SACS: variants seen among roughly 807,000 people sequenced by gnomAD.
SACS encodes the protein sacsin molecular chaperone, also known as sacsin.
Under a neutral mutation model 348.0 loss-of-function variants are expected in SACS, and 197 were observed. The observed-to-expected ratio is 0.57, with a 90% CI of 0.50 to 0.64. The LOEUF (loss-of-function observed/expected upper bound fraction) is 0.64. SACS is among the 30% of genes least tolerant of loss of function. SACS has a pLI of 0.00. For synonymous variants in SACS, 1,985 were observed against 1,910.6 expected (o/e 1.04, Z -1.02); for missense variants, 4,999 against 5,360.8 (o/e 0.93, Z 2.11).
intron 1 of SACS, among the ~76,000 whole-genome samples, chr13:23,412,255 C>T (rs1873519268): frequency 6.6e-6 from 1 of 151,928 alleles, no homozygotes; most frequent in Admixed American, 6.6e-5. Context: ...GAGCCAGATT[C>T]TGTCTCAAAA....
chr13:23,405,035 T>A (rs1005259976), intron 2 of SACS, among the ~76,000 whole-genome samples: 10 of 152,226 alleles, frequency 6.6e-5, no homozygotes, highest in African/African-American at 2.4e-4. Flanking sequence ...CCATTGATTT[T>A]CTTCAAATAA....
Position 23,355,723 on chromosome 13 carries a change from CA to C in SACS, c.888del (p.Phe296LeufsTer15). ...GTGTCTGCATCTGCCCTAAAAGACT[CA>C]AACAACTCAAGAACCTTCTGCTTAT... is the stretch of plus-strand genomic sequence containing the variant. ...LYNKQKVLEL[F>X]ESFRADADTV... On this transcript the variant is annotated frameshift_variant, in exon 8 of 10. Coordinates refer to ENST00000382292, the MANE Select transcript of SACS (RefSeq NM_014363.6). LOFTEE classifies it high-confidence loss of function. 1 of 1,614,176 alleles carries C rather than the reference CA, an allele frequency of 6.2e-7. No individual in the cohort carries two copies. Among genetic ancestry groups the C allele is most frequent in the Non-Finnish European group, 8.5e-7 (1 of 1,180,032 alleles).
chr13:23,360,529 C>T (rs1266957831), intron 6 of SACS, among the ~76,000 whole-genome samples: 2 of 152,060 alleles, frequency 1.3e-5, no homozygotes, highest in African/African-American at 2.4e-5. Flanking sequence ...AGGGGATACA[C>T]GCACATGACA....
intron 1 of SACS, among the ~76,000 whole-genome samples, chr13:23,416,583 C>T (rs1488254220): frequency 6.6e-6 from 1 of 151,808 alleles, no homozygotes. Flanking sequence ...CTTGGTGAAA[C>T]CCCGTCTCTA....
intron 7 of SACS, 102 bp downstream of exon 7, chr13:23,358,233 G>A: frequency 8.0e-7 from 1 of 1,252,332 alleles, no homozygotes; most frequent in Non-Finnish European, 1.2e-6. Context: ...ATTTGGGTAA[G>A]ATGGCTTTTA....
chr13:23,378,776 T>G (rs1397598919), intron 2 of SACS, among the ~76,000 whole-genome samples: 1 of 151,988 alleles, frequency 6.6e-6, no homozygotes, highest in African/African-American at 2.4e-5. Context: ...GGAAAGAGAG[T>G]GAGCTGGCTA....
At chr13:23,343,936 G>A (rs1869440190) in intron 9 of SACS, among the ~76,000 whole-genome samples, 1 of 152,114 alleles carries the variant, frequency 6.6e-6, no homozygotes, top group Admixed American at 6.5e-5. Flanking sequence ...CTTTAGGAAG[G>A]TGTCAATACC....
rs1872125913 is a variant in SACS at position 23,382,936 on chromosome 13, T to G, written c.21-7667A>C. Among the ~76,000 whole-genome samples, 4 of 148,432 alleles carry G rather than the reference T, an allele frequency of 2.7e-5. No individual in the cohort carries two copies. The Admixed American group carries it at 2.7e-4, about 10-fold the overall frequency. ...AGCTGGGACTATAGGACTACAGGCA[T>G]GTACCACCATGCCCAGCTAATTTTT... On this transcript the variant is annotated intron_variant, in intron 2 of 9. Transcript: ENST00000382292.
At position 23,332,547 on chromosome 13, in the gene SACS, A is replaced by G; in HGVS notation, c.11329T>C (p.Tyr3777His). 6.2e-7 allele frequency: 1 copy of G among 1,613,970 alleles called. No homozygotes were observed. Among genetic ancestry groups the G allele is most frequent in the Non-Finnish European group, 8.5e-7 (1 of 1,179,904 alleles). The change falls in exon 10 of 10, where the codon TAT becomes CAT. Residue 3777 changes from tyrosine (Y) to histidine (H), a missense_variant. Coordinates refer to ENST00000382292, the MANE Select transcript of SACS (RefSeq NM_014363.6). ...CTTTTTTCTGCACTGAGGAATTCATATATGCTCCTTAAGACTTTTGCTCTA... is the reference window on the plus strand; with the variant it reads ...CTTTTTTCTGCACTGAGGAATTCATGTATGCTCCTTAAGACTTTTGCTCTA... ...KTRAKVLRSI[Y>H]EFLSAEKREF...
At chr13:23,373,196 G>A (rs934846450) in intron 3 of SACS, among the ~76,000 whole-genome samples, 9 of 152,166 alleles carry the variant, frequency 5.9e-5, no homozygotes, top group Non-Finnish European at 1.0e-4. Flanking sequence ...GTTAAGAGAT[G>A]TCGGCAGGCA....
intron 1 of SACS, among the ~76,000 whole-genome samples, chr13:23,412,602 T>C (rs1480887697): frequency 6.6e-6 from 1 of 151,908 alleles, no homozygotes; most frequent in African/African-American, 2.4e-5. Context: ...TTAGTGGAGA[T>C]GGGGTTTTGC....
intron 2 of SACS, among the ~76,000 whole-genome samples, chr13:23,408,653 A>C (rs1449684785): frequency 6.6e-6 from 1 of 152,174 alleles, no homozygotes; most frequent in Admixed American, 6.5e-5. Context: ...CCAGAAGCCT[A>C]GAGTGGATCC....
chr13:23,356,833 T>C (rs1870420878), intron 7 of SACS, among the ~76,000 whole-genome samples: 2 of 152,220 alleles, frequency 1.3e-5, no homozygotes, highest in Non-Finnish European at 2.9e-5. Flanking sequence ...CTTTAATACC[T>C]ACGGTCGTCA....
rs372832296 is a variant in SACS at position 23,354,482 on chromosome 13, T to A, written c.2093+37A>T. 1.1e-5 allele frequency: 18 copies of A among 1,583,446 alleles called. No homozygotes were observed. In the African/African-American group the frequency reaches 2.1e-4, roughly 19 times the overall value. ...ACAGTGAGCAGGAGCAGGGGAACCC[T>A]AAGAGTGAACAGGAATGTTAGAAGG... On this transcript the variant is annotated intron_variant, in intron 8 of 9. Transcript: ENST00000382292.
intron 2 of SACS, among the ~76,000 whole-genome samples, chr13:23,406,326 C>A (rs920745500): frequency 1.3e-4 from 20 of 150,654 alleles, no homozygotes; most frequent in Non-Finnish European, 1.5e-5. Flanking sequence ...GGGAGTTGAA[C>A]GATGAAAACA....
At chr13:23,429,617 C>A (rs1437797820) in intron 1 of SACS, among the ~76,000 whole-genome samples, 1 of 151,696 alleles carries the variant, frequency 6.6e-6, no homozygotes, top group Non-Finnish European at 1.5e-5. Context: ...CCCACCTGGC[C>A]CTCCCAAAGT....
Position 23,333,398 on chromosome 13 carries a change from T to C in SACS, c.10478A>G (p.Lys3493Arg). 1 of 1,606,620 alleles carries C rather than the reference T, an allele frequency of 6.2e-7. No individual in the cohort carries two copies. Among genetic ancestry groups the C allele is most frequent in the Non-Finnish European group, 8.5e-7 (1 of 1,177,262 alleles). ...PKIENLSYDA[K>R]LEHLIYLKNR... ...CTTAAGGTAGATCAAGTGCTCTAAT[T>C]TTGCATCATAAGAGAGATTTTCAAT... The change falls in exon 10 of 10, where the codon AAA (lysine) becomes AGA (arginine). Residue 3493 changes from lysine (K) to arginine (R), a missense_variant. Lys to Arg is a conservative substitution (Grantham distance 26, BLOSUM62 2). Around this residue, in one of 6 missense-constraint regions of SACS, gnomAD observed 734 missense variants for 694.0 expected, o/e 1.06. Coordinates refer to ENST00000382292, the MANE Select transcript of SACS (RefSeq NM_014363.6).
At chr13:23,428,580 C>G (rs537966596) in intron 1 of SACS, 4 of 151,820 alleles carry the variant, frequency 2.6e-5, no homozygotes, top group African/African-American at 9.7e-5. Flanking sequence ...TAAATATGTA[C>G]GTAAAATAGT....
At chr13:23,379,572 T>C (rs1335508204) in intron 2 of SACS, among the ~76,000 whole-genome samples, 1 of 152,076 alleles carries the variant, frequency 6.6e-6, no homozygotes, top group Non-Finnish European at 1.5e-5. Context: ...CTCACCTCCC[T>C]CTCCTATGTG....
Sources: allele counts gnomAD v4.1 joint callset (sites outside exome capture counted in the v4.1 genomes callset), GRCh38; gene constraint gnomAD v4.1.1; regional missense constraint gnomAD v4.1.1; transcripts MANE v1.5; gene names NCBI Gene and HGNC (gene_info 2026-07-23, HGNC 2026-07-21).